The following TAS2R39 variants were observed in gnomAD, a reference collection of about 807,000 sequenced individuals.
TAS2R39 encodes taste 2 receptor member 39.
A neutral mutation model predicts 20.5 loss-of-function variants in TAS2R39; 22 were observed. That is an observed-to-expected ratio of 1.08 (90% CI 0.77 to 1.54). The LOEUF (loss-of-function observed/expected upper bound fraction) is 1.54. Among genes scored for constraint, TAS2R39 ranks in the 40% most tolerant of loss-of-function variants. The pLI is 0.00. For missense variants in TAS2R39, 362 were observed against 398.6 expected (o/e 0.91, Z 0.78); for synonymous variants, 128 against 147.7 (o/e 0.87, Z 0.97).
Position 143,184,308 on chromosome 7 carries a change from A to T in TAS2R39, c.890A>T (p.Gln297Leu). 1 of 1,613,756 alleles carries T rather than the reference A, an allele frequency of 6.2e-7. No individual in the cohort carries two copies. The highest frequency in any genetic ancestry group is 1.1e-5 in the South Asian group (1 of 91,078). The change falls in exon 1 of 1, where the codon CAG becomes CTG. Residue 297 changes from glutamine to leucine, a missense_variant. Transcript: ENST00000446620. ...AACAGTCTGTGGAATAATTTGTGCC[A>T]GATCATCATGGCTGCCTACCCTGCC... The part of the protein sequence containing the change: ...DINSLWNNLC[Q>L]IIMAAYPASH...
chr7:143,184,040 G>T lies in TAS2R39; in HGVS notation c.622G>T (p.Gly208Cys), dbSNP rs200819546. 13 of 1,613,424 alleles carry T rather than the reference G, an allele frequency of 8.1e-6. 1 individual carries two copies. The highest frequency in any genetic ancestry group is 1.3e-5 in the African/African-American group (1 of 74,784). Residue 208 changes from glycine to cysteine, a missense_variant, in exon 1 of 1, where the codon GGT becomes TGT. Gly to Cys is a radical substitution (Grantham distance 159). Transcript: ENST00000446620. ...KTYLSEINVVGLAFFFNLGIV... is the reference protein window; with the variant it reads ...KTYLSEINVVCLAFFFNLGIV... The stretch of plus-strand genomic sequence containing the variant: ...ATACTTGTCTGAGATCAATGTGGTC[G>T]GTCTGGCTTTTTTCTTTAACCTGGG...
chr7:143,183,854 C>G lies in TAS2R39; in HGVS notation c.436C>G (p.Leu146Val), dbSNP rs775324079. The change falls in exon 1 of 1, where the codon CTT (leucine) becomes GTT (valine). Residue 146 changes from leucine (L) to valine (V), a missense_variant. Physicochemically the swap from Leu to Val is conservative, Grantham distance 32. Coordinates refer to ENST00000446620, the MANE Select transcript of TAS2R39 (RefSeq NM_176881.2). ...FVKIANFSYPLFLKLRWRITG... is the reference protein window; with the variant it reads ...FVKIANFSYPVFLKLRWRITG... ...GAAGATTGCCAATTTCTCCTACCCC[C>G]TTTTCCTCAAACTGAGGTGGAGAAT... The G allele has an allele frequency of 1.2e-6, 2 of 1,613,566 alleles. No homozygotes were observed. Among genetic ancestry groups the G allele is most frequent in the South Asian group, 2.2e-5 (2 of 91,072 alleles).
In TAS2R39 at chr7:143,184,055, T is replaced by C. The variant is rs746455439; in HGVS notation, c.637T>C (p.Phe213Leu). 5 of 1,613,656 alleles carry C rather than the reference T, an allele frequency of 3.1e-6. No homozygotes were observed. Among genetic ancestry groups the C allele is most frequent in the Non-Finnish European group, 3.4e-6 (4 of 1,179,778 alleles). Residue 213 changes from phenylalanine (F) to leucine (L), a missense_variant, in exon 1 of 1, where the codon TTT (phenylalanine) becomes CTT (leucine). Physicochemically the swap from Phe to Leu is conservative, Grantham distance 22. Transcript: ENST00000446620. ...EINVVGLAFF[F>L]NLGIVTPLIM... Reference sequence around the variant, plus strand: ...CAATGTGGTCGGTCTGGCTTTTTTCTTTAACCTGGGGATTGTGACTCCTCT... The same window carrying C: ...CAATGTGGTCGGTCTGGCTTTTTTCCTTAACCTGGGGATTGTGACTCCTCT...
At chr7:143,184,397 CT>C in the TAS2R39 span, 1 of 1,611,772 alleles carries the variant, frequency 6.2e-7, no homozygotes, top group Non-Finnish European at 8.5e-7. Flanking sequence ...GCGGCTTCAG[CT>C]TCGACTTCAT....
chr7:143,184,312 C>G lies in TAS2R39; in HGVS notation c.894C>G (p.Ile298Met), dbSNP rs1799821810. Residue 298 changes from isoleucine (I) to methionine (M), a missense_variant, in exon 1 of 1, where the codon ATC becomes ATG. Ile to Met is a conservative substitution (Grantham distance 10). Transcript: ENST00000446620. ...GTCTGTGGAATAATTTGTGCCAGAT[C>G]ATCATGGCTGCCTACCCTGCCAGCC... ...INSLWNNLCQ[I>M]IMAAYPASHS... 1 of 1,613,698 alleles carries G rather than the reference C, an allele frequency of 6.2e-7. No homozygotes were observed. The highest frequency in any genetic ancestry group is 8.5e-7 in the Non-Finnish European group (1 of 1,179,722).
In TAS2R39 at chr7:143,184,115, C is replaced by T; in HGVS notation, c.697C>T (p.Leu233Phe). The T allele has an allele frequency of 1.2e-6, 2 of 1,613,654 alleles. No homozygotes were observed. Among genetic ancestry groups the T allele is most frequent in the Non-Finnish European group, 1.7e-6 (2 of 1,179,760 alleles). Residue 233 changes from leucine to phenylalanine, a missense_variant, in exon 1 of 1, where the codon CTC becomes TTC. By Grantham distance (22) the Leu-to-Phe change is conservative. Transcript: ENST00000446620. ...MFILTATLLI[L>F]SLKRHTLHMG... ...CATCCTGACAGCCACCCTGCTGATCCTCTCTCTCAAGAGACACACCCTACA... is the reference window on the plus strand; with the variant it reads ...CATCCTGACAGCCACCCTGCTGATCTTCTCTCTCAAGAGACACACCCTACA...
Position 143,183,634 on chromosome 7 carries a change from T to C in TAS2R39, c.216T>C (p.Ser72=). The change falls in exon 1 of 1, where the codon AGT becomes AGC. Residue 72 remains serine, a synonymous_variant. Coordinates refer to ENST00000446620, the MANE Select transcript of TAS2R39 (RefSeq NM_176881.2). The part of the protein sequence containing the change: ...EWVQNKAVST[S]GRILVFLSVS... ...TTCAAAATAAGGCAGTTTCCACAAG[T>C]GGCAGGATCCTGGTTTTCCTGAGTG... is the stretch of plus-strand genomic sequence containing the variant. 6.2e-7 allele frequency: 1 copy of C among 1,613,574 alleles called. No individual in the cohort carries two copies.
In TAS2R39 at chr7:143,183,585, T is replaced by C. The variant is rs758991626; in HGVS notation, c.167T>C (p.Met56Thr). The change falls in exon 1 of 1, where the codon ATG becomes ACG. Residue 56 changes from methionine (M) to threonine (T), a missense_variant. Met to Thr is a moderately conservative substitution (Grantham distance 81, BLOSUM62 -1). Coordinates refer to ENST00000446620, the MANE Select transcript of TAS2R39 (RefSeq NM_176881.2). Reference protein sequence around the residue: ...LIGIIANGFIMAIHAAEWVQN... With the variant: ...LIGIIANGFITAIHAAEWVQN... ...GGTATCATTGCAAATGGTTTCATCA[T>C]GGCTATACATGCAGCTGAATGGGTT... 9.9e-6 allele frequency: 16 copies of C among 1,613,474 alleles called. No individual in the cohort carries two copies. In the South Asian group the frequency reaches 1.2e-4, roughly 12 times the overall value.
Position 143,183,487 on chromosome 7 carries a change from T to G in TAS2R39, c.69T>G (p.Asp23Glu). 1 of 1,613,216 alleles carries G rather than the reference T, an allele frequency of 6.2e-7. No homozygotes were observed. Among genetic ancestry groups the G allele is most frequent in the Non-Finnish European group, 8.5e-7 (1 of 1,179,322 alleles). ...KQQLRMTKLCDPAESELSPFL... is the reference protein window; with the variant it reads ...KQQLRMTKLCEPAESELSPFL... ...AGCTCAGAATGACTAAACTCTGCGA[T>G]CCTGCAGAAAGTGAATTGTCGCCAT... Residue 23 changes from aspartate (D) to glutamate (E), a missense_variant, in exon 1 of 1, where the codon GAT (aspartate) becomes GAG (glutamate). Asp to Glu is a conservative substitution (Grantham distance 45). Coordinates refer to ENST00000446620, the MANE Select transcript of TAS2R39 (RefSeq NM_176881.2).
In TAS2R39 at chr7:143,183,743, G is replaced by A. The variant is rs1467603990; in HGVS notation, c.325G>A (p.Val109Ile). The A allele has an allele frequency of 6.2e-7, 1 of 1,613,308 alleles. No individual in the cohort carries two copies. Among genetic ancestry groups the A allele is most frequent in the East Asian group, 2.2e-5 (1 of 44,886 alleles). Reference protein sequence around the residue: ...TSLSFYSEDAVYYAFKISFIF... With the variant: ...TSLSFYSEDAIYYAFKISFIF... Reference sequence around the variant, plus strand: ...CCTAAGTTTTTATTCTGAAGACGCTGTATATTATGCATTCAAAATAAGTTT... The same window carrying A: ...CCTAAGTTTTTATTCTGAAGACGCTATATATTATGCATTCAAAATAAGTTT... Residue 109 changes from valine to isoleucine, a missense_variant, in exon 1 of 1, where the codon GTA (valine) becomes ATA (isoleucine). Transcript: ENST00000446620.
In TAS2R39 at chr7:143,184,040, G is replaced by A. The variant is rs200819546; in HGVS notation, c.622G>A (p.Gly208Ser). 133 of 1,613,542 alleles carry A rather than the reference G, an allele frequency of 8.2e-5. 3 individuals are homozygous for A. Among genetic ancestry groups the A allele is most frequent in the South Asian group, 6.4e-4 (58 of 91,064 alleles). Residue 208 changes from glycine to serine, a missense_variant, in exon 1 of 1, where the codon GGT becomes AGT. By Grantham distance (56) the Gly-to-Ser change is moderately conservative. Transcript: ENST00000446620. ...ATACTTGTCTGAGATCAATGTGGTC[G>A]GTCTGGCTTTTTTCTTTAACCTGGG... ...KTYLSEINVVGLAFFFNLGIV... is the reference protein window; with the variant it reads ...KTYLSEINVVSLAFFFNLGIV...
rs201054558 is a variant in TAS2R39 at position 143,183,430 on chromosome 7, A to C, written c.12A>C (p.Arg4Ser). The part of the protein sequence containing the change: MLG[R>S]CFPPDTKEKQ... The stretch of plus-strand genomic sequence containing the variant: ...AGTCTGCCCATCAAATGCTAGGGAG[A>C]TGTTTTCCTCCAGACACCAAAGAGA... Residue 4 changes from arginine to serine, a missense_variant, in exon 1 of 1, where the codon AGA becomes AGC. Physicochemically the swap from Arg to Ser is moderately radical, Grantham distance 110. Transcript: ENST00000446620. 230 of 1,611,520 alleles carry C rather than the reference A, an allele frequency of 1.4e-4. 3 individuals are homozygous for C. Among genetic ancestry groups the C allele is most frequent in the Admixed American group, 2.7e-4 (16 of 59,884 alleles).
rs752843224 is a variant in TAS2R39 at position 143,183,991 on chromosome 7, C to G, written c.573C>G (p.His191Gln). The G allele has an allele frequency of 1.2e-6, 2 of 1,613,462 alleles. No homozygotes were observed. Among genetic ancestry groups the G allele is most frequent in the Non-Finnish European group, 1.7e-6 (2 of 1,179,620 alleles). ...ATTGTAACAATTCTTTCCCTATCCA[C>G]TCCTCCAACTCCACTAAGAAAACAT... ...TVYCNNSFPI[H>Q]SSNSTKKTYL... The change falls in exon 1 of 1, where the codon CAC becomes CAG. Residue 191 changes from histidine (H) to glutamine (Q), a missense_variant. Coordinates refer to ENST00000446620, the MANE Select transcript of TAS2R39 (RefSeq NM_176881.2).
chr7:143,183,519 T>C lies in TAS2R39; in HGVS notation c.101T>C (p.Ile34Thr). 1.2e-6 allele frequency: 2 copies of C among 1,613,372 alleles called. No homozygotes were observed. The highest frequency in any genetic ancestry group is 1.7e-6 in the Non-Finnish European group (2 of 1,179,448). The change falls in exon 1 of 1, where the codon ATC (isoleucine) becomes ACC (threonine). Residue 34 changes from isoleucine (I) to threonine (T), a missense_variant. By Grantham distance (89) the Ile-to-Thr change is moderately conservative. Coordinates refer to ENST00000446620, the MANE Select transcript of TAS2R39 (RefSeq NM_176881.2). ...GAAAGTGAATTGTCGCCATTTCTCA[T>C]CACCTTAATTTTAGCAGTTTTACTT... is the stretch of plus-strand genomic sequence containing the variant. The part of the protein sequence containing the change: ...PAESELSPFL[I>T]TLILAVLLAE...
chr7:143,183,508 G>A lies in TAS2R39; in HGVS notation c.90G>A (p.Ser30=), dbSNP rs369056662. Residue 30 remains serine (S), a synonymous_variant, in exon 1 of 1, where the codon TCG becomes TCA. Coordinates refer to ENST00000446620, the MANE Select transcript of TAS2R39 (RefSeq NM_176881.2). ...GCGATCCTGCAGAAAGTGAATTGTC[G>A]CCATTTCTCATCACCTTAATTTTAG... The part of the protein sequence containing the change: ...KLCDPAESEL[S]PFLITLILAV... 75 of 1,613,082 alleles carry A rather than the reference G, an allele frequency of 4.6e-5. No individual in the cohort carries two copies. Among genetic ancestry groups the A allele is most frequent in the Admixed American group, 6.7e-5 (4 of 59,944 alleles).
Position 143,184,179 on chromosome 7 carries a change from T to C in TAS2R39, c.761T>C (p.Met254Thr), listed in dbSNP as rs1799819965. 9 of 1,613,680 alleles carry C rather than the reference T, an allele frequency of 5.6e-6. No individual in the cohort carries two copies. Among genetic ancestry groups the C allele is most frequent in the Non-Finnish European group, 7.6e-6 (9 of 1,179,786 alleles). The part of the protein sequence containing the change: ...SNATGSNDPS[M>T]EAHMGAIKAI... ...GCCACAGGGTCCAACGACCCCAGCA[T>C]GGAGGCTCACATGGGGGCCATCAAA... Residue 254 changes from methionine to threonine, a missense_variant, in exon 1 of 1, where the codon ATG becomes ACG. Met to Thr is a moderately conservative substitution (Grantham distance 81). Transcript: ENST00000446620.
chr7:143,183,595 T>C lies in TAS2R39; in HGVS notation c.177T>C (p.His59=). ...IIANGFIMAI[H]AAEWVQNKAV... is the part of the protein sequence containing the mutation. ...CAAATGGTTTCATCATGGCTATACA[T>C]GCAGCTGAATGGGTTCAAAATAAGG... Residue 59 remains histidine, a synonymous_variant, in exon 1 of 1, where the codon CAT becomes CAC. Transcript: ENST00000446620. 1.9e-6 allele frequency: 3 copies of C among 1,613,548 alleles called. No homozygotes were observed. Among genetic ancestry groups the C allele is most frequent in the Non-Finnish European group, 1.7e-6 (2 of 1,179,586 alleles).
Position 143,183,664 on chromosome 7 carries a change from C to T in TAS2R39, c.246C>T (p.Ser82=). The change falls in exon 1 of 1, where the codon TCC becomes TCT. Residue 82 remains serine, a synonymous_variant. Coordinates refer to ENST00000446620, the MANE Select transcript of TAS2R39 (RefSeq NM_176881.2). The stretch of plus-strand genomic sequence containing the variant: ...GGATCCTGGTTTTCCTGAGTGTATC[C>T]AGAATAGCTCTCCAAAGCCTCATGA... ...SGRILVFLSV[S]RIALQSLMML... The T allele has an allele frequency of 6.2e-7, 1 of 1,613,532 alleles. No individual in the cohort carries two copies. Among genetic ancestry groups the T allele is most frequent in the Non-Finnish European group, 8.5e-7 (1 of 1,179,612 alleles).
Position 143,183,637 on chromosome 7 carries a change from C to A in TAS2R39, c.219C>A (p.Gly73=). 1.2e-6 allele frequency: 2 copies of A among 1,613,524 alleles called. No individual in the cohort carries two copies. Among genetic ancestry groups the A allele is most frequent in the South Asian group, 1.1e-5 (1 of 91,074 alleles). ...WVQNKAVSTS[G]RILVFLSVSR... Reference sequence around the variant, plus strand: ...AAAATAAGGCAGTTTCCACAAGTGGCAGGATCCTGGTTTTCCTGAGTGTAT... The same window carrying A: ...AAAATAAGGCAGTTTCCACAAGTGGAAGGATCCTGGTTTTCCTGAGTGTAT... Residue 73 remains glycine, a synonymous_variant, in exon 1 of 1, where the codon GGC becomes GGA. Coordinates refer to ENST00000446620, the MANE Select transcript of TAS2R39 (RefSeq NM_176881.2).
Sources: allele counts gnomAD v4.1 joint callset, GRCh38; gene constraint gnomAD v4.1.1; transcripts MANE v1.5; gene names NCBI Gene and HGNC (gene_info 2026-07-23, HGNC 2026-07-21).